LIMCH1: variants seen among roughly 807,000 people sequenced by gnomAD.
LIMCH1 encodes the protein LIM and calponin homology domains-containing protein 1.
A neutral mutation model predicts 176.5 loss-of-function variants in LIMCH1; 113 were observed. The ratio of observed to expected loss-of-function variants is 0.64; its 90% confidence interval spans 0.55 to 0.75. The LOEUF (loss-of-function observed/expected upper bound fraction) is 0.75. LIMCH1 is among the 30% of genes least tolerant of loss of function. The pLI is 0.00. For synonymous variants in LIMCH1, 619 were observed against 645.9 expected (o/e 0.96, Z 0.63); for missense variants, 1,674 against 1,814.9 (o/e 0.92, Z 1.41).
chr4:41,568,934 C>T (rs1484021799), intron 1 of LIMCH1, among the ~76,000 whole-genome samples: 1 of 151,698 alleles, frequency 6.6e-6, no homozygotes, highest in African/African-American at 2.4e-5. Flanking sequence ...CTGTCATTCT[C>T]TTGATCTTCT....
chr4:41,558,526 C>T (rs1033182784), intron 1 of LIMCH1, among the ~76,000 whole-genome samples: 4 of 152,082 alleles, frequency 2.6e-5, no homozygotes, highest in African/African-American at 9.7e-5. Flanking sequence ...ATTTCTATTT[C>T]CTCCACCTCC....
intron 1 of LIMCH1, among the ~76,000 whole-genome samples, chr4:41,577,026 C>T (rs1000227098): frequency 5.3e-5 from 8 of 151,960 alleles, no homozygotes; most frequent in Admixed American, 1.3e-4. Context: ...TAAGCCCTCA[C>T]GTATGGAGGG....
intron 1 of LIMCH1, among the ~76,000 whole-genome samples, chr4:41,598,515 T>C (rs1186983056): frequency 2.0e-5 from 3 of 151,112 alleles, no homozygotes; most frequent in African/African-American, 4.9e-5. Flanking sequence ...TTGCTAAAGA[T>C]GAAAAACCTT....
rs1489570717 is a variant in LIMCH1 at position 41,698,588 on chromosome 4, T to C, written c.*1403T>C. ...AAGTCAAGATGACATTTTGTGAATG[T>C]AGACTATGGATACACTCCTAATAGA... On this transcript the variant is annotated 3_prime_UTR_variant, in exon 32 of 32. Coordinates refer to ENST00000503057, the MANE Select transcript of LIMCH1 (RefSeq NM_001330672.2). The C allele has an allele frequency of 6.6e-6, 1 of 152,666 alleles. No homozygotes were observed. Among genetic ancestry groups the C allele is most frequent in the Non-Finnish European group, 1.5e-5 (1 of 68,032 alleles). 9.5% of individuals were successfully genotyped at this position (152,666 alleles called of 1,614,324 possible).
At position 41,557,548 on chromosome 4, in the gene LIMCH1, G is replaced by GTGTA. The variant is rs1014583114; in HGVS notation, c.-241+19201_-241+19202insATGT. ...TGTTTTAAAAATCTTTATTGCCTCT[G>GTGTA]TGTGTGTGTGTGTGTGTGTGTGTGT... On this transcript the variant is annotated intron_variant, in intron 1 of 31. Coordinates refer to ENST00000503057, the MANE Select transcript of LIMCH1 (RefSeq NM_001330672.2). Among the ~76,000 whole-genome samples, 210 of 144,942 alleles carry GTGTA rather than the reference G, an allele frequency of 1.4e-3. 1 individual carries two copies. The highest frequency in any genetic ancestry group is 5.0e-3 in the African/African-American group (198 of 39,818).
rs1412206149 is a variant in LIMCH1 at position 41,626,796 on chromosome 4, G to A, written c.814G>A (p.Asp272Asn). 17 of 1,536,360 alleles carry A rather than the reference G, an allele frequency of 1.1e-5. No homozygotes were observed. Among genetic ancestry groups the A allele is most frequent in the African/African-American group, 2.7e-5 (2 of 73,164 alleles). ...TTTCCTGACCCACCAACATGGCAAC[G>A]ATTCAGAGGCAGAAGGTGAAGTTGT... The part of the protein sequence containing the change: ...NSFLTHQHGN[D>N]SEAEGEVVCR... The change falls in exon 8 of 32, where the codon GAT becomes AAT. Residue 272 changes from aspartate to asparagine, a missense_variant. Physicochemically the swap from Asp to Asn is conservative, Grantham distance 23 (BLOSUM62 1). This residue lies in a region of LIMCH1 where 655 missense variants were observed against 692.2 expected (regional missense o/e 0.95). Transcript: ENST00000503057.
At chr4:41,443,985 GA>G (rs2062986796) in intron 1 of LIMCH1, among the ~76,000 whole-genome samples, 1 of 152,276 alleles carries the variant, frequency 6.6e-6, no homozygotes, top group South Asian at 2.1e-4. Flanking sequence ...CTGAATCATA[GA>G]AGAGGCTACA....
In LIMCH1 at chr4:41,620,435, C is replaced by T. The variant is rs944411006; in HGVS notation, c.470C>T (p.Thr157Met). The stretch of plus-strand genomic sequence containing the variant: ...GTCCAACTCACTAGCTTTCCTGAAA[C>T]GATAGAGGAAGAGGGGAGTGAAGTG... ...GGERPFSFPE[T>M]IEEEGSEVGS... Residue 157 changes from threonine to methionine, a missense_variant, in exon 7 of 32, where the codon ACG becomes ATG. Coordinates refer to ENST00000503057, the MANE Select transcript of LIMCH1 (RefSeq NM_001330672.2). The T allele has an allele frequency of 1.2e-5, 18 of 1,535,626 alleles. No homozygotes were observed. Among genetic ancestry groups the T allele is most frequent in the Non-Finnish European group, 1.4e-5 (16 of 1,146,812 alleles).
chr4:41,587,278 T>A (rs2086655861), intron 1 of LIMCH1, among the ~76,000 whole-genome samples: 1 of 152,226 alleles, frequency 6.6e-6, no homozygotes, highest in African/African-American at 2.4e-5. Flanking sequence ...TTCCTTCTTT[T>A]GGAAACTATT....
intron 22 of LIMCH1, among the ~76,000 whole-genome samples, chr4:41,673,641 G>A (rs2095123981): frequency 6.6e-6 from 1 of 152,134 alleles, no homozygotes; most frequent in Admixed American, 6.5e-5. Context: ...ATGAAAGAAA[G>A]GGACTCTGAT....
rs1307860435 is a variant in LIMCH1 at position 41,494,142 on chromosome 4, G to C, written c.97-394G>C. ...GGAAGGGTAGATATTGTTTAAGGTA[G>C]TAAATAGAAAAAAAGGCTTCAAAGA... On this transcript the variant is annotated intron_variant, in intron 1 of 26. Transcript: ENST00000313860. Among the ~76,000 whole-genome samples the C allele has an allele frequency of 3.3e-5, 5 of 152,016 alleles. No individual in the cohort carries two copies. The East Asian group carries it at 9.7e-4, about 29-fold the overall frequency.
chr4:41,505,397 C>G (rs2074019586), intron 2 of LIMCH1, among the ~76,000 whole-genome samples: 1 of 152,218 alleles, frequency 6.6e-6, no homozygotes, highest in Non-Finnish European at 1.5e-5. Flanking sequence ...TTGGATTATA[C>G]TTTCTAGCTT....
intron 1 of LIMCH1, among the ~76,000 whole-genome samples, chr4:41,487,359 G>A (rs769689006): frequency 7.9e-5 from 12 of 152,200 alleles, no homozygotes; most frequent in African/African-American, 1.9e-4. Context: ...TGTGAAGACC[G>A]TGCTCGGTCC....
intron 1 of LIMCH1, among the ~76,000 whole-genome samples, chr4:41,384,333 TA>T (rs2056170828): frequency 6.6e-6 from 1 of 151,634 alleles, no homozygotes; most frequent in Non-Finnish European, 1.5e-5. Context: ...GCCTCCCTAG[TA>T]ACTGGGACTA....
intron 1 of LIMCH1, among the ~76,000 whole-genome samples, chr4:41,377,914 C>T (rs1174707110): frequency 2.6e-5 from 4 of 152,212 alleles, no homozygotes; most frequent in East Asian, 1.9e-4. Context: ...GCAGAATGCT[C>T]ATGACCAAAT....
intron 3 of LIMCH1, among the ~76,000 whole-genome samples, chr4:41,605,659 C>T (rs1482013513): frequency 6.6e-6 from 1 of 152,226 alleles, no homozygotes; most frequent in Non-Finnish European, 1.5e-5. Context: ...ACCTAACTTT[C>T]CCTAACGCTG....
intron 1 of LIMCH1, among the ~76,000 whole-genome samples, chr4:41,581,805 C>CAAGAA (rs2085498064): frequency 2.6e-5 from 2 of 76,192 alleles, no homozygotes; most frequent in Non-Finnish European, 5.1e-5. Flanking sequence ...GACTCTGTCT[C>CAAGAA]AAAAAAAAAA....
chr4:41,668,018 G>A (rs970029328), intron 21 of LIMCH1, among the ~76,000 whole-genome samples: 1 of 151,706 alleles, frequency 6.6e-6, no homozygotes, highest in Admixed American at 6.6e-5. Context: ...AAAAGAAACA[G>A]CCAGAGTTCA....
At chr4:41,440,203 T>A (rs1159182948) in intron 1 of LIMCH1, among the ~76,000 whole-genome samples, 1 of 152,226 alleles carries the variant, frequency 6.6e-6, no homozygotes, top group East Asian at 1.9e-4. Flanking sequence ...TGTTTAATGC[T>A]TAGTTATATC....
Sources: gnomAD v4.1 joint callset for allele counts (sites outside exome capture counted in the v4.1 genomes callset) on GRCh38, gnomAD v4.1.1 for gene constraint, gnomAD v4.1.1 regional missense constraint, MANE v1.5 for transcripts, NCBI Gene and HGNC (gene_info 2026-07-23, HGNC 2026-07-21) for gene names.